The following TMOD3 variants were observed in gnomAD, a reference collection of about 807,000 sequenced individuals.
The protein encoded by TMOD3 is tropomodulin-3.
In TMOD3, 20 loss-of-function variants were observed where a neutral mutation model predicts 39.2. That is an observed-to-expected ratio of 0.51 (90% CI 0.36 to 0.74). The LOEUF (loss-of-function observed/expected upper bound fraction) is 0.74, where lower values mean the gene tolerates loss of function less well. Ranked by LOEUF, TMOD3 falls within the 30% of genes least tolerant of loss-of-function variation. The pLI, the probability that TMOD3 is intolerant of heterozygous loss-of-function variation, is 0.00. For synonymous variants in TMOD3, 143 were observed against 145.8 expected (o/e 0.98, Z 0.14); for missense variants, 381 against 412.8 (o/e 0.92, Z 0.67).
intron 3 of TMOD3, among the ~76,000 whole-genome samples, chr15:51,887,106 C>G (rs948603837): frequency 1.3e-5 from 2 of 151,710 alleles, no homozygotes; most frequent in Non-Finnish European, 2.9e-5. Flanking sequence ...GTAGTCCCAG[C>G]TACTCAGGAG....
chr15:51,869,114 A>G, intron 2 of TMOD3, 103 bp from the exon 3 acceptor site: 5 of 1,287,804 alleles, frequency 3.9e-6, no homozygotes, highest in Non-Finnish European at 5.4e-6. Context: ...TAGTGCCTGT[A>G]TCACATTCCA....
intron 3 of TMOD3, among the ~76,000 whole-genome samples, chr15:51,878,615 C>G (rs2056517620): frequency 6.6e-6 from 1 of 152,136 alleles, no homozygotes; most frequent in Non-Finnish European, 1.5e-5. Context: ...CTAGTATATA[C>G]AAACTCACTA....
chr15:51,853,922 G>A (rs960817195), intron 1 of TMOD3, among the ~76,000 whole-genome samples: 1 of 152,144 alleles, frequency 6.6e-6, no homozygotes, highest in Admixed American at 6.5e-5. Flanking sequence ...TGAAGAATAT[G>A]TGAGGTTCAG....
intron 9 of TMOD3, 66 bp downstream of exon 9, chr15:51,902,102 T>C (rs2056653915): frequency 5.7e-6 from 9 of 1,567,474 alleles, no homozygotes; most frequent in South Asian, 1.2e-5. Context: ...GGAACTTCTT[T>C]CCCTCTTAAG....
intron 9 of TMOD3, among the ~76,000 whole-genome samples, chr15:51,902,910 CA>C (rs2056659972): frequency 6.6e-6 from 1 of 151,966 alleles, no homozygotes; most frequent in Non-Finnish European, 1.5e-5. Flanking sequence ...CTCGGCCTCC[CA>C]AAGTGCTGGG....
chr15:51,844,365 G>C (rs577489498), intron 1 of TMOD3, among the ~76,000 whole-genome samples: 1 of 152,122 alleles, frequency 6.6e-6, no homozygotes, highest in Admixed American at 6.6e-5. Context: ...ATGAATGATG[G>C]GGGGAGGAAA....
intron 3 of TMOD3, among the ~76,000 whole-genome samples, chr15:51,878,376 A>ATGTGTGTGTGTGTGTGTGTGTGTG (rs10586896): frequency 1.1e-3 from 157 of 147,424 alleles, no homozygotes; most frequent in African/African-American, 3.7e-3. Flanking sequence ...TTTAAAATAT[A>ATGTGTGTGTGTGTGTGTGTGTGTG]TGTGTGTGTG....
rs146439484 is a variant in TMOD3 at position 51,840,453 on chromosome 15, A to G, written c.-75+10617A>G. Among the ~76,000 whole-genome samples, 8 of 152,328 alleles carry G rather than the reference A, an allele frequency of 5.3e-5. No homozygotes were observed. In the East Asian group the frequency reaches 5.8e-4, roughly 11 times the overall value. ...AGGTACTGTTCTAAGTGATGTATAT[A>G]TGTTATCCTCATTTAACAAATTAAC... is the stretch of plus-strand genomic sequence containing the variant. On this transcript the variant is annotated intron_variant, in intron 1 of 9. Coordinates refer to ENST00000308580, the MANE Select transcript of TMOD3 (RefSeq NM_014547.5).
intron 1 of TMOD3, among the ~76,000 whole-genome samples, chr15:51,838,822 A>G (rs1216775557): frequency 6.6e-6 from 1 of 152,016 alleles, no homozygotes; most frequent in African/African-American, 2.4e-5. Flanking sequence ...TTGTTATGGT[A>G]GTGCCTCCAG....
chr15:51,905,974 A>AG (rs1056214062), intron 9 of TMOD3, among the ~76,000 whole-genome samples: 1 of 150,206 alleles, frequency 6.7e-6, no homozygotes, highest in African/African-American at 2.5e-5. Context: ...AAAAAAAAAA[A>AG]AAAAAAGAAA....
At chr15:51,854,518 C>G (rs2141677962) in intron 1 of TMOD3, among the ~76,000 whole-genome samples, 1 of 152,316 alleles carries the variant, frequency 6.6e-6, no homozygotes, top group African/African-American at 2.4e-5. Context: ...TAGACTATCT[C>G]TCTGAATCAT....
At position 51,869,267 on chromosome 15, in the gene TMOD3, C is replaced by T; in HGVS notation, c.177C>T (p.Ser59=). ...GGCAGAAGAACCAGACATCAAAGTC[C>T]ACCACAGGGCCATTTGATAGAGAGC... is the stretch of plus-strand genomic sequence containing the variant. The part of the protein sequence containing the change: ...GFRQKNQTSK[S]TTGPFDREHL... Residue 59 remains serine, a synonymous_variant, in exon 3 of 10, where the codon TCC becomes TCT. Coordinates refer to ENST00000308580, the MANE Select transcript of TMOD3 (RefSeq NM_014547.5). 2 of 1,614,048 alleles carry T rather than the reference C, an allele frequency of 1.2e-6. No individual in the cohort carries two copies. Among genetic ancestry groups the T allele is most frequent in the Non-Finnish European group, 1.7e-6 (2 of 1,179,984 alleles).
At chr15:51,853,191 A>AT (rs1018710405) in intron 1 of TMOD3, among the ~76,000 whole-genome samples, 11 of 152,264 alleles carry the variant, frequency 7.2e-5, no homozygotes, top group African/African-American at 2.6e-4. Flanking sequence ...ATGATGAAAT[A>AT]TTGCCTTCTT....
intron 3 of TMOD3, among the ~76,000 whole-genome samples, chr15:51,882,293 C>A (rs1194094591): frequency 6.6e-6 from 1 of 151,818 alleles, no homozygotes; most frequent in East Asian, 2.0e-4. Flanking sequence ...AATCCCAGCA[C>A]TTTGGGAGGC....
intron 1 of TMOD3, among the ~76,000 whole-genome samples, chr15:51,857,550 G>A (rs991554635): frequency 3.3e-5 from 5 of 151,944 alleles, no homozygotes; most frequent in South Asian, 2.1e-4. Flanking sequence ...CATTCCTATC[G>A]TATTGCCTAT....
At chr15:51,880,916 CG>C (rs1232813495) in intron 3 of TMOD3, among the ~76,000 whole-genome samples, 1 of 152,134 alleles carries the variant, frequency 6.6e-6, no homozygotes. Flanking sequence ...AAAGTGGCTG[CG>C]GTATTGTACC....
At chr15:51,853,515 G>T (rs190076771) in intron 1 of TMOD3, among the ~76,000 whole-genome samples, 7 of 152,144 alleles carry the variant, frequency 4.6e-5, no homozygotes, top group Admixed American at 2.6e-4. Context: ...TTTAGTTATG[G>T]TACTGTCATT....
intron 1 of TMOD3, among the ~76,000 whole-genome samples, chr15:51,857,690 T>G (rs748727534): frequency 4.6e-5 from 7 of 152,190 alleles, no homozygotes; most frequent in Non-Finnish European, 8.8e-5. Flanking sequence ...TTGAGAAAAT[T>G]GGCTTATGTA....
At chr15:51,868,291 ATTAATAAAACTTTTTAAAAAAAACGTT>A (rs1446003829) in intron 2 of TMOD3, among the ~76,000 whole-genome samples, 2 of 144,596 alleles carry the variant, frequency 1.4e-5, no homozygotes, top group African/African-American at 5.0e-5. Flanking sequence ...GTTATTAAGC[ATTAATAAAACTTTTTAAAAAAAACGTT>A]TTAAGTTCAG....
Sources: allele counts gnomAD v4.1 joint callset (sites outside exome capture counted in the v4.1 genomes callset), GRCh38; gene constraint gnomAD v4.1.1; transcripts MANE v1.5; gene names NCBI Gene and HGNC (gene_info 2026-07-23, HGNC 2026-07-21).